VPS53: variants seen among roughly 807,000 people sequenced by gnomAD.
VPS53 encodes VPS53 subunit of GARP complex.
VPS53 carries 70 observed loss-of-function variants against 107.0 expected under a neutral mutation model. The observed-to-expected ratio is 0.65, with a 90% confidence interval of 0.54 to 0.80. VPS53 has a LOEUF of 0.80. Among genes scored for constraint, VPS53 ranks in the 30% least tolerant of loss-of-function variants. VPS53 has a pLI of 0.00. For missense variants in VPS53, 917 were observed against 1,049.4 expected (o/e 0.87, Z 1.74); for synonymous variants, 409 against 393.3 (o/e 1.04, Z -0.47).
In VPS53 at chr17:519,352, C is replaced by CG; in HGVS notation, c.2329-55dup. The CG allele has an allele frequency of 7.0e-7, 1 of 1,423,976 alleles. No homozygotes were observed. Among genetic ancestry groups the CG allele is most frequent in the Non-Finnish European group, 9.2e-7 (1 of 1,082,324 alleles). The allele number at this position is 1,423,976 out of a possible 1,614,324, so 88.2% of individuals were successfully genotyped here. A position where few individuals can be genotyped will look rare whatever the true frequency, so the allele number is the denominator to read the frequency against. ...ACGAAGTCTGGGCCAGAATGGCCCA[C>CG]GGGGGACAGCGCAGTATCTGGATAT... On this transcript the variant is annotated intron_variant, in intron 21 of 21. Transcript: ENST00000437048. This position sits in a 1 kb window ranked among gnomAD's most constrained non-coding sequence, Gnocchi z 5.0.
intron 11 of VPS53, among the ~76,000 whole-genome samples, chr17:620,557 C>A (rs1266052240): frequency 6.6e-6 from 1 of 152,182 alleles, no homozygotes; most frequent in South Asian, 2.1e-4. Context: ...AGCACAGCGC[C>A]TACTTCCTAT....
At chr17:547,631 T>C (rs1911331651) in intron 17 of VPS53, among the ~76,000 whole-genome samples, 1 of 152,102 alleles carries the variant, frequency 6.6e-6, no homozygotes, top group East Asian at 1.9e-4. Context: ...AACAACTAAA[T>C]TGTACACTTT....
At chr17:682,579 A>G (rs1342543351) in intron 4 of VPS53, among the ~76,000 whole-genome samples, 1 of 152,188 alleles carries the variant, frequency 6.6e-6, no homozygotes, top group Admixed American at 6.5e-5. Flanking sequence ...GGCTGGCGCA[A>G]TGGTAGGGAG....
intron 1 of VPS53, 149 bp from the exon 2 acceptor site, chr17:710,762 C>CT (rs1180277745): frequency 1.7e-6 from 1 of 578,046 alleles, no homozygotes; most frequent in Non-Finnish European, 3.0e-6. Flanking sequence ...GATGGATCAC[C>CT]TGAGGTCAGG....
At chr17:711,796 A>G (rs1303714976) in intron 1 of VPS53, among the ~76,000 whole-genome samples, 1 of 151,586 alleles carries the variant, frequency 6.6e-6, no homozygotes, top group Non-Finnish European at 1.5e-5. Context: ...TCAGAGATGC[A>G]TACGTGGTAC....
At chr17:658,243 T>A (rs1971286450) in intron 5 of VPS53, among the ~76,000 whole-genome samples, 1 of 95,818 alleles carries the variant, frequency 1.0e-5, no homozygotes, top group African/African-American at 3.2e-5. Flanking sequence ...CGGCCGTGAG[T>A]TCGTGGATAG....
intron 15 of VPS53, among the ~76,000 whole-genome samples, chr17:556,011 G>A (rs576220394): frequency 1.1e-4 from 17 of 152,256 alleles, no homozygotes; most frequent in Admixed American, 3.9e-4. Context: ...GGACCCAGTG[G>A]CTCACCCGGT....
intron 19 of VPS53, among the ~76,000 whole-genome samples, chr17:522,258 A>G (rs1908819817): frequency 6.6e-6 from 1 of 152,240 alleles, no homozygotes; most frequent in African/African-American, 2.4e-5. Flanking sequence ...ACCCTGCCTC[A>G]GTAACAAACC....
At chr17:546,858 G>A (rs991035469) in intron 17 of VPS53, among the ~76,000 whole-genome samples, 21 of 147,070 alleles carry the variant, frequency 1.4e-4, no homozygotes, top group Admixed American at 1.3e-3. Context: ...CATTCCTTAG[G>A]TCCCTTAGAT....
chr17:603,762 G>T (rs1044380908), intron 11 of VPS53, among the ~76,000 whole-genome samples: 2 of 152,290 alleles, frequency 1.3e-5, no homozygotes, highest in Non-Finnish European at 1.5e-5. Flanking sequence ...AAAATGTACA[G>T]CTCTTGTTAG....
chr17:537,256 A>C, intron 17 of VPS53, 80 bp from the exon 18 acceptor site: 6 of 1,509,428 alleles, frequency 4.0e-6, no homozygotes, highest in Non-Finnish European at 5.4e-6. Context: ...GAGGGGCTGG[A>C]GTGGAAGTCA....
intron 12 of VPS53, among the ~76,000 whole-genome samples, chr17:587,293 C>T (rs112004537): frequency 0.011 from 1,683 of 152,270 alleles, 27 homozygotes; most frequent in African/African-American, 0.034. Flanking sequence ...GAACTCTTGG[C>T]CTCAAGTGAT....
At chr17:668,109 G>A (rs2143670783) in intron 4 of VPS53, among the ~76,000 whole-genome samples, 1 of 152,302 alleles carries the variant, frequency 6.6e-6, no homozygotes, top group Non-Finnish European at 1.5e-5. Flanking sequence ...AGGGTTATAA[G>A]TATCCTTTAG....
At chr17:591,816 G>T (rs1231344107) in intron 12 of VPS53, among the ~76,000 whole-genome samples, 2 of 152,132 alleles carry the variant, frequency 1.3e-5, no homozygotes, top group Non-Finnish European at 2.9e-5. Context: ...TTTTGGAATA[G>T]ATGTGGTGTG....
chr17:592,828 TTCA>T (rs1245183033), intron 12 of VPS53, among the ~76,000 whole-genome samples: 1 of 152,210 alleles, frequency 6.6e-6, no homozygotes, highest in Admixed American at 6.5e-5. Flanking sequence ...CATTTTTTCC[TTCA>T]TTTCAACCTT....
chr17:597,737 T>A lies in VPS53; in HGVS notation c.1218+4058A>T, dbSNP rs184382334. On this transcript the variant is annotated intron_variant, in intron 12 of 21. Coordinates refer to ENST00000437048, the MANE Select transcript of VPS53 (RefSeq NM_001128159.3). ...TTGTATTTTTAGTATGGTTTCACCATGTTGTTTAGTATGGTTTCAACATAG... is the reference window on the plus strand; with the variant it reads ...TTGTATTTTTAGTATGGTTTCACCAAGTTGTTTAGTATGGTTTCAACATAG... Among the ~76,000 whole-genome samples, 334 of 152,108 alleles carry A rather than the reference T, an allele frequency of 2.2e-3. 3 individuals carry two copies. Among genetic ancestry groups the A allele is most frequent in the African/African-American group, 7.6e-3 (314 of 41,504 alleles).
chr17:625,108 C>T (rs1025325924), intron 10 of VPS53, among the ~76,000 whole-genome samples: 4 of 151,916 alleles, frequency 2.6e-5, no homozygotes, highest in Non-Finnish European at 5.9e-5. Flanking sequence ...CCCACCTCAG[C>T]CTCTCTAGTA....
chr17:520,839 A>G lies in VPS53; in HGVS notation c.2223+762T>C, dbSNP rs1908690484. Among the ~76,000 whole-genome samples the G allele has an allele frequency of 6.7e-6, 1 of 149,798 alleles. No homozygotes were observed. Among genetic ancestry groups the G allele is most frequent in the South Asian group, 2.1e-4 (1 of 4,724 alleles). On this transcript the variant is annotated intron_variant, in intron 20 of 21. Coordinates refer to ENST00000437048, the MANE Select transcript of VPS53 (RefSeq NM_001128159.3). The surrounding 1 kb of genome is among the most constrained non-coding windows in gnomAD (Gnocchi z 4.4). ...CACCCTCACCTACATGAGCTGCTTCACCCTCACCTACATGAGCTCTTCACC... is the reference window on the plus strand; with the variant it reads ...CACCCTCACCTACATGAGCTGCTTCGCCCTCACCTACATGAGCTCTTCACC...
chr17:554,350 G>T (rs933546649), intron 15 of VPS53, among the ~76,000 whole-genome samples: 1 of 152,200 alleles, frequency 6.6e-6, no homozygotes, highest in African/African-American at 2.4e-5. Context: ...ATCCCTGGGA[G>T]TTGATTAATC....
Sources: allele counts gnomAD v4.1 joint callset (sites outside exome capture counted in the v4.1 genomes callset), GRCh38; gene constraint gnomAD v4.1.1; non-coding constraint Gnocchi (gnomAD v3.1); transcripts MANE v1.5; gene names NCBI Gene and HGNC (gene_info 2026-07-23, HGNC 2026-07-21).